Variants in HSPA6 observed in about 807,000 individuals in gnomAD.
HSPA6 encodes heat shock protein family A (Hsp70) member 6.
For synonymous variants in HSPA6, 312 were observed against 368.2 expected, an observed-to-expected ratio of 0.85 and a Z score of 1.75; for missense variants, 718 against 860.9, an observed-to-expected ratio of 0.83 and a Z score of 2.08.
chr1:161,526,529 G>C lies in HSPA6; in HGVS notation c.1871G>C (p.Cys624Ser). The C allele has an allele frequency of 3.1e-6, 5 of 1,598,856 alleles. No homozygotes were observed. The highest frequency in any genetic ancestry group is 3.4e-6 in the Non-Finnish European group (4 of 1,170,402). Reference protein sequence around the residue: ...GGPGVPGGSSCGTQARQGDPS... With the variant: ...GGPGVPGGSSSGTQARQGDPS... The stretch of plus-strand genomic sequence containing the variant: ...CCTGGTGTCCCTGGGGGCAGCAGTT[G>C]TGGCACTCAAGCCCGCCAGGGGGAC... Residue 624 changes from cysteine to serine, a missense_variant, in exon 1 of 1, where the codon TGT becomes TCT. Cys to Ser is a moderately radical substitution (Grantham distance 112). Transcript: ENST00000309758.
chr1:161,524,738 G>T lies in HSPA6; in HGVS notation c.80G>T (p.Arg27Leu). 1 of 1,481,986 alleles carries T rather than the reference G, an allele frequency of 6.7e-7. No homozygotes were observed. The highest frequency in any genetic ancestry group is 9.2e-7 in the Non-Finnish European group (1 of 1,087,154). 91.8% of individuals were successfully genotyped at this position (1,481,986 alleles called of 1,614,324 possible). A position where few individuals can be genotyped will look rare whatever the true frequency, so the allele number is the denominator to read the frequency against. Residue 27 changes from arginine to leucine, a missense_variant, in exon 1 of 1, where the codon CGC becomes CTC. Coordinates refer to ENST00000309758, the MANE Select transcript of HSPA6 (RefSeq NM_002155.5). Reference protein sequence around the residue: ...YSCVGVFQQGRVEILANDQGN... With the variant: ...YSCVGVFQQGLVEILANDQGN... Reference sequence around the variant, plus strand: ...TGCGTGGGCGTGTTTCAGCAGGGCCGCGTGGAGATCCTGGCCAACGACCAG... The same window carrying T: ...TGCGTGGGCGTGTTTCAGCAGGGCCTCGTGGAGATCCTGGCCAACGACCAG...
At position 161,525,338 on chromosome 1, in the gene HSPA6, A is replaced by G; in HGVS notation, c.680A>G (p.Asp227Gly). Residue 227 changes from aspartate to glycine, a missense_variant, in exon 1 of 1, where the codon GAT (aspartate) becomes GGT (glycine). Transcript: ENST00000309758. Reference sequence around the variant, plus strand: ...TTTGAGGTGAAAGCCACTGCTGGAGATACCCACCTGGGAGGAGAGGACTTC... The same window carrying G: ...TTTGAGGTGAAAGCCACTGCTGGAGGTACCCACCTGGGAGGAGAGGACTTC... ...GVFEVKATAG[D>G]THLGGEDFDN... 2 of 1,613,892 alleles carry G rather than the reference A, an allele frequency of 1.2e-6. No individual in the cohort carries two copies. Among genetic ancestry groups the G allele is most frequent in the Non-Finnish European group, 1.7e-6 (2 of 1,179,890 alleles).
rs370008079 is a variant in HSPA6, at chr1:161,525,159, G to A, written c.501G>A (p.Ala167=). 121 of 1,613,882 alleles carry A rather than the reference G, an allele frequency of 7.5e-5. 5 individuals carry two copies. The South Asian group carries it at 1.2e-3, about 16-fold the overall frequency. ...CCACCAAGGACGCGGGGGCCATCGC[G>A]GGGCTCAACGTGTTGCGGATCATCA... ...RQATKDAGAI[A]GLNVLRIINE... The change falls in exon 1 of 1, where the codon GCG becomes GCA. Residue 167 remains alanine, a synonymous_variant. Transcript: ENST00000309758.
Position 161,525,009 on chromosome 1 carries a change from C to A in HSPA6, c.351C>A (p.Tyr117Ter), listed in dbSNP as rs1170502025. 6.2e-7 allele frequency: 1 copy of A among 1,612,928 alleles called. No homozygotes were observed. The highest frequency in any genetic ancestry group is 2.2e-5 in the East Asian group (1 of 44,856). ...VCYRGEDKTFYPEEISSMVLS... is the reference protein window; with the variant it reads ...VCYRGEDKTF Reference sequence around the variant, plus strand: ...ACCGCGGGGAGGACAAGACGTTCTACCCCGAGGAGATCTCGTCCATGGTGC... The same window carrying A: ...ACCGCGGGGAGGACAAGACGTTCTAACCCGAGGAGATCTCGTCCATGGTGC... Residue 117 changes from tyrosine (Y) to a stop codon, truncating the protein, a stop_gained, in exon 1 of 1, where the codon TAC becomes TAA. Transcript: ENST00000309758. LOFTEE classifies it low-confidence loss of function (END_TRUNC).
chr1:161,526,777 A>T lies in HSPA6; in HGVS notation c.*187A>T. 2.0e-6 allele frequency: 1 copy of T among 496,224 alleles called. No homozygotes were observed. The highest frequency in any genetic ancestry group is 3.6e-6 in the Non-Finnish European group (1 of 277,910). 30.7% of individuals were successfully genotyped at this position (496,224 alleles called of 1,614,324 possible). On this transcript the variant is annotated 3_prime_UTR_variant, in exon 1 of 1. Coordinates refer to ENST00000309758, the MANE Select transcript of HSPA6 (RefSeq NM_002155.5). ...TTCATCCTCTTCTGCTTCAAATAAA[A>T]AGTCATTAATTTATTAAAACTTGTG...
Position 161,524,974 on chromosome 1 carries a change from C to A in HSPA6, c.316C>A (p.Arg106Ser), listed in dbSNP as rs753257463. Residue 106 changes from arginine to serine, a missense_variant, in exon 1 of 1, where the codon CGC becomes AGC. Transcript: ENST00000309758. Reference protein sequence around the residue: ...VVSEGGKPKVRVCYRGEDKTF... With the variant: ...VVSEGGKPKVSVCYRGEDKTF... ...GAGCGAGGGCGGCAAGCCCAAGGTGCGCGTATGCTACCGCGGGGAGGACAA... is the reference window on the plus strand; with the variant it reads ...GAGCGAGGGCGGCAAGCCCAAGGTGAGCGTATGCTACCGCGGGGAGGACAA... 6.2e-6 allele frequency: 10 copies of A among 1,613,384 alleles called. No homozygotes were observed. In the South Asian group the frequency reaches 9.9e-5, roughly 16 times the overall value.
chr1:161,524,905 A>G lies in HSPA6; in HGVS notation c.247A>G (p.Thr83Ala). Reference sequence around the variant, plus strand: ...GCTGATCGGGCGCAAGTTCGCGGACACCACGGTGCAGTCGGACATGAAGCA... The same window carrying G: ...GCTGATCGGGCGCAAGTTCGCGGACGCCACGGTGCAGTCGGACATGAAGCA... ...KRLIGRKFAD[T>A]TVQSDMKHWP... is the part of the protein sequence containing the mutation. The change falls in exon 1 of 1, where the codon ACC becomes GCC. Residue 83 changes from threonine (T) to alanine (A), a missense_variant. Coordinates refer to ENST00000309758, the MANE Select transcript of HSPA6 (RefSeq NM_002155.5). The G allele has an allele frequency of 1.2e-6, 2 of 1,613,336 alleles. No homozygotes were observed. The highest frequency in any genetic ancestry group is 2.2e-5 in the South Asian group (2 of 91,036).
chr1:161,525,661 G>A lies in HSPA6; in HGVS notation c.1003G>A (p.Asp335Asn), dbSNP rs749331338. 6.2e-7 allele frequency: 1 copy of A among 1,613,994 alleles called. No individual in the cohort carries two copies. The highest frequency in any genetic ancestry group is 1.1e-5 in the South Asian group (1 of 91,058). The change falls in exon 1 of 1, where the codon GAC becomes AAC. Residue 335 changes from aspartate (D) to asparagine (N), a missense_variant. By Grantham distance (23) the Asp-to-Asn change is conservative (BLOSUM62 1). Transcript: ENST00000309758. ...DAKLDKAQIH[D>N]VVLVGGSTRI... ...CAAGCTGGACAAGGCCCAGATTCAT[G>A]ACGTCGTCCTGGTGGGGGGCTCCAC...
In HSPA6 at chr1:161,525,570, T is replaced by A; in HGVS notation, c.912T>A (p.Phe304Leu). 13 of 1,613,500 alleles carry A rather than the reference T, an allele frequency of 8.1e-6. No homozygotes were observed. The highest frequency in any genetic ancestry group is 1.1e-5 in the Non-Finnish European group (13 of 1,179,682). The change falls in exon 1 of 1, where the codon TTT becomes TTA. Residue 304 changes from phenylalanine (F) to leucine (L), a missense_variant. Coordinates refer to ENST00000309758, the MANE Select transcript of HSPA6 (RefSeq NM_002155.5). Reference sequence around the variant, plus strand: ...ACACGTCCATCACTCGTGCCCGCTTTGAGGAACTGTGCTCAGACCTCTTCC... The same window carrying A: ...ACACGTCCATCACTCGTGCCCGCTTAGAGGAACTGTGCTCAGACCTCTTCC... Reference protein sequence around the residue: ...DFYTSITRARFEELCSDLFRS... With the variant: ...DFYTSITRARLEELCSDLFRS...
rs761626559 is a variant in HSPA6, at chr1:161,525,013, G to C, written c.355G>C (p.Glu119Gln). The change falls in exon 1 of 1, where the codon GAG becomes CAG. Residue 119 changes from glutamate (E) to glutamine (Q), a missense_variant. Glu to Gln is a conservative substitution (Grantham distance 29, BLOSUM62 2). Coordinates refer to ENST00000309758, the MANE Select transcript of HSPA6 (RefSeq NM_002155.5). ...YRGEDKTFYP[E>Q]EISSMVLSKM... ...CGGGGAGGACAAGACGTTCTACCCC[G>C]AGGAGATCTCGTCCATGGTGCTGAG... is the stretch of plus-strand genomic sequence containing the variant. 1 of 1,612,824 alleles carries C rather than the reference G, an allele frequency of 6.2e-7. No individual in the cohort carries two copies. Among genetic ancestry groups the C allele is most frequent in the South Asian group, 1.1e-5 (1 of 90,958 alleles).
rs769278723 is a variant in HSPA6 at position 161,525,848 on chromosome 1, A to T, written c.1190A>T (p.Asp397Val). 10 of 1,595,140 alleles carry T rather than the reference A, an allele frequency of 6.3e-6. No individual in the cohort carries two copies. The Admixed American group carries it at 1.7e-4, about 28-fold the overall frequency. The change falls in exon 1 of 1, where the codon GAT becomes GTT. Residue 397 changes from aspartate to valine, a missense_variant. By Grantham distance (152) the Asp-to-Val change is radical. Coordinates refer to ENST00000309758, the MANE Select transcript of HSPA6 (RefSeq NM_002155.5). ...CEKVQDLLLL[D>V]VAPLSLGLET... is the part of the protein sequence containing the mutation. ...AAAGTGCAGGATCTCCTGCTGCTGG[A>T]TGTGGCTCCCCTGTCTCTGGGGCTG...
Position 161,525,909 on chromosome 1 carries a change from G to C in HSPA6, c.1251G>C (p.Gln417His), listed in dbSNP as rs150927976. ...GTGGGGTGATGACCACGCTGATCCA[G>C]AGGAACGCCACTATCCCCACCAAGC... is the stretch of plus-strand genomic sequence containing the variant. ...TAGGVMTTLI[Q>H]RNATIPTKQT... Residue 417 changes from glutamine to histidine, a missense_variant, in exon 1 of 1, where the codon CAG (glutamine) becomes CAC (histidine). Gln to His is a conservative substitution (Grantham distance 24). Transcript: ENST00000309758. The C allele has an allele frequency of 6.2e-7, 1 of 1,602,038 alleles. No individual in the cohort carries two copies. The highest frequency in any genetic ancestry group is 8.5e-7 in the Non-Finnish European group (1 of 1,172,908).
Position 161,525,665 on chromosome 1 carries a change from T to A in HSPA6, c.1007T>A (p.Val336Asp), listed in dbSNP as rs745780265. The A allele has an allele frequency of 8.1e-6, 13 of 1,613,968 alleles. No homozygotes were observed. Among genetic ancestry groups the A allele is most frequent in the Non-Finnish European group, 1.1e-5 (13 of 1,179,930 alleles). Residue 336 changes from valine to aspartate, a missense_variant, in exon 1 of 1, where the codon GTC (valine) becomes GAC (aspartate). Coordinates refer to ENST00000309758, the MANE Select transcript of HSPA6 (RefSeq NM_002155.5). ...AKLDKAQIHD[V>D]VLVGGSTRIP... ...CTGGACAAGGCCCAGATTCATGACG[T>A]CGTCCTGGTGGGGGGCTCCACACGC... is the stretch of plus-strand genomic sequence containing the variant.
rs1304112713 is a variant in HSPA6, at chr1:161,526,120, C to A, written c.1462C>A (p.Leu488Met). 5 of 1,613,726 alleles carry A rather than the reference C, an allele frequency of 3.1e-6. No homozygotes were observed. The South Asian group carries it at 5.5e-5, about 18-fold the overall frequency. Residue 488 changes from leucine (L) to methionine (M), a missense_variant, in exon 1 of 1, where the codon CTG becomes ATG. Transcript: ENST00000309758. Reference protein sequence around the residue: ...VTFDIDANGILSVTATDRSTG... With the variant: ...VTFDIDANGIMSVTATDRSTG... ...TTTTGACATTGATGCTAATGGCATC[C>A]TGAGCGTGACAGCCACTGACAGGAG...
chr1:161,525,518 A>G lies in HSPA6; in HGVS notation c.860A>G (p.Asp287Gly), dbSNP rs774156179. ...AGCACCCAGGCCACCCTGGAGATAGACTCCCTGTTCGAGGGCGTGGACTTC... is the reference window on the plus strand; with the variant it reads ...AGCACCCAGGCCACCCTGGAGATAGGCTCCCTGTTCGAGGGCGTGGACTTC... ...SSSTQATLEI[D>G]SLFEGVDFYT... Residue 287 changes from aspartate (D) to glycine (G), a missense_variant, in exon 1 of 1, where the codon GAC (aspartate) becomes GGC (glycine). Transcript: ENST00000309758. The G allele has an allele frequency of 6.2e-6, 10 of 1,613,022 alleles. No individual in the cohort carries two copies. In the Admixed American group the frequency reaches 1.7e-4, roughly 27 times the overall value.
chr1:161,526,166 T>A lies in HSPA6; in HGVS notation c.1508T>A (p.Ile503Asn), dbSNP rs774636210. Residue 503 changes from isoleucine to asparagine, a missense_variant, in exon 1 of 1, where the codon ATC becomes AAC. Physicochemically the swap from Ile to Asn is moderately radical, Grantham distance 149. Transcript: ENST00000309758. Reference protein sequence around the residue: ...TDRSTGKANKITITNDKGRLS... With the variant: ...TDRSTGKANKNTITNDKGRLS... ...AGGAGCACAGGTAAGGCTAACAAGA[T>A]CACCATCACCAATGACAAGGGCCGG... 2.5e-6 allele frequency: 4 copies of A among 1,613,508 alleles called. No individual in the cohort carries two copies. Among genetic ancestry groups the A allele is most frequent in the Non-Finnish European group, 3.4e-6 (4 of 1,179,866 alleles).
Position 161,525,492 on chromosome 1 carries a change from C to T in HSPA6, c.834C>T (p.Ser278=), listed in dbSNP as rs1259904417. ...AGCGCGCCAAGCGCACCCTGTCCTC[C>T]AGCACCCAGGCCACCCTGGAGATAG... ...ACERAKRTLS[S]STQATLEIDS... The change falls in exon 1 of 1, where the codon TCC becomes TCT. Residue 278 remains serine, a synonymous_variant. Coordinates refer to ENST00000309758, the MANE Select transcript of HSPA6 (RefSeq NM_002155.5). 1.2e-6 allele frequency: 2 copies of T among 1,613,534 alleles called. No individual in the cohort carries two copies. Among genetic ancestry groups the T allele is most frequent in the East Asian group, 4.5e-5 (2 of 44,858 alleles).
At position 161,525,426 on chromosome 1, in the gene HSPA6, C is replaced by A. The variant is rs374736615; in HGVS notation, c.768C>A (p.Ser256Arg). ...GGCGGAAGCATGGGAAGGACCTGAG[C>A]GGGAACAAGCGTGCCCTGCGCAGGC... ...EFRRKHGKDLSGNKRALRRLR... is the reference protein window; with the variant it reads ...EFRRKHGKDLRGNKRALRRLR... The change falls in exon 1 of 1, where the codon AGC (serine) becomes AGA (arginine). Residue 256 changes from serine to arginine, a missense_variant. Physicochemically the swap from Ser to Arg is moderately radical, Grantham distance 110. Transcript: ENST00000309758. The A allele has an allele frequency of 6.2e-7, 1 of 1,610,396 alleles. No homozygotes were observed. The highest frequency in any genetic ancestry group is 8.5e-7 in the Non-Finnish European group (1 of 1,178,272).
At position 161,525,162 on chromosome 1, in the gene HSPA6, G is replaced by T; in HGVS notation, c.504G>T (p.Gly168=). The stretch of plus-strand genomic sequence containing the variant: ...CCAAGGACGCGGGGGCCATCGCGGG[G>T]CTCAACGTGTTGCGGATCATCAATG... ...QATKDAGAIA[G]LNVLRIINEP... is the part of the protein sequence containing the mutation. The change falls in exon 1 of 1, where the codon GGG becomes GGT. Residue 168 remains glycine (G), a synonymous_variant. Transcript: ENST00000309758. The T allele has an allele frequency of 6.2e-7, 1 of 1,613,904 alleles. No homozygotes were observed. The highest frequency in any genetic ancestry group is 8.5e-7 in the Non-Finnish European group (1 of 1,179,954).
Sources: gnomAD v4.1 joint callset for allele counts on GRCh38, gnomAD v4.1.1 for gene constraint, MANE v1.5 for transcripts, NCBI Gene and HGNC (gene_info 2026-07-23, HGNC 2026-07-21) for gene names.